Variants in KIAA0825 observed in about 807,000 individuals in gnomAD.
KIAA0825 encodes the protein uncharacterized protein KIAA0825.
KIAA0825 carries 119 observed loss-of-function variants against 147.6 expected under a neutral mutation model. The ratio of observed to expected loss-of-function variants is 0.81; its 90% CI spans 0.69 to 0.94. The LOEUF is 0.94. Ranked by LOEUF, KIAA0825 falls within the 40% of genes least tolerant of loss-of-function variation. KIAA0825 has a pLI of 0.00. For missense variants in KIAA0825, 1,381 were observed against 1,472.7 expected, an observed-to-expected ratio of 0.94 and a Z score of 1.02; for synonymous variants, 470 against 518.1, an observed-to-expected ratio of 0.91 and a Z score of 1.26.
intron 20 of KIAA0825, among the ~76,000 whole-genome samples, chr5:94,227,244 G>T (rs1774267333): frequency 6.6e-6 from 1 of 152,102 alleles, no homozygotes; most frequent in South Asian, 2.1e-4. Flanking sequence ...CATGTCCTTT[G>T]TAGGGACATG....
At chr5:94,362,798 TA>T (rs1745259939) in intron 20 of KIAA0825, among the ~76,000 whole-genome samples, 1 of 152,366 alleles carries the variant, frequency 6.6e-6, no homozygotes, top group African/African-American at 2.4e-5. Flanking sequence ...CAGATTTATC[TA>T]TTTACTCAAA....
chr5:94,356,966 AC>A (rs1784354811), intron 20 of KIAA0825, among the ~76,000 whole-genome samples: 1 of 151,942 alleles, frequency 6.6e-6, no homozygotes, highest in African/African-American at 2.4e-5. Context: ...CTCGTGATCC[AC>A]CAGCCTCGGC....
chr5:94,170,139 A>G (rs1196194553), intron 20 of KIAA0825, among the ~76,000 whole-genome samples: 2 of 152,154 alleles, frequency 1.3e-5, no homozygotes, highest in Non-Finnish European at 2.9e-5. Flanking sequence ...CTCTACTAAA[A>G]ATACAAAAAA....
chr5:94,207,188 T>A (rs1373249683), intron 20 of KIAA0825, among the ~76,000 whole-genome samples: 1 of 152,202 alleles, frequency 6.6e-6, no homozygotes, highest in African/African-American at 2.4e-5. Context: ...TACTCTGTTC[T>A]ATTACAATCA....
At chr5:94,188,159 C>T (rs1770324470) in intron 20 of KIAA0825, among the ~76,000 whole-genome samples, 1 of 152,154 alleles carries the variant, frequency 6.6e-6, no homozygotes, top group Non-Finnish European at 1.5e-5. Context: ...GATCGTGACT[C>T]CCAGCCTCCA....
intron 2 of KIAA0825, among the ~76,000 whole-genome samples, chr5:94,565,444 C>T (rs961717015): frequency 6.6e-6 from 1 of 150,886 alleles, no homozygotes; most frequent in African/African-American, 2.4e-5. Flanking sequence ...CAGGTTGAGG[C>T]AATTCTCCTG....
intron 17 of KIAA0825, among the ~76,000 whole-genome samples, chr5:94,395,555 A>G (rs944537765): frequency 2.1e-4 from 32 of 152,152 alleles, no homozygotes; most frequent in Non-Finnish European, 5.9e-5. Flanking sequence ...CAAACCCATG[A>G]GAAGGCTGAC....
At chr5:94,240,409 G>T (rs1010395037) in intron 20 of KIAA0825, among the ~76,000 whole-genome samples, 32 of 152,160 alleles carry the variant, frequency 2.1e-4, no homozygotes, top group Admixed American at 9.2e-4. Context: ...AAAACATTTT[G>T]TCGGGTGGAA....
At chr5:94,448,874 C>G (rs1293911985) in intron 13 of KIAA0825, among the ~76,000 whole-genome samples, 1 of 152,122 alleles carries the variant, frequency 6.6e-6, no homozygotes, top group African/African-American at 2.4e-5. Context: ...AAATCAATAA[C>G]TTTAGTTATT....
At chr5:94,457,285 T>G (rs186538608) in intron 12 of KIAA0825, among the ~76,000 whole-genome samples, 2 of 152,248 alleles carry the variant, frequency 1.3e-5, no homozygotes, top group South Asian at 4.1e-4. Flanking sequence ...ATGCTCTAAA[T>G]AATTCATAGT....
At chr5:94,243,202 C>A (rs1388631855) in intron 20 of KIAA0825, among the ~76,000 whole-genome samples, 1 of 152,154 alleles carries the variant, frequency 6.6e-6, no homozygotes, top group Non-Finnish European at 1.5e-5. Context: ...TCATCAAATT[C>A]TTGCTTGTTA....
chr5:94,599,036 T>C (rs1049889069), intron 1 of KIAA0825, among the ~76,000 whole-genome samples: 11 of 152,162 alleles, frequency 7.2e-5, no homozygotes, highest in African/African-American at 2.4e-4. Flanking sequence ...TCAGTTTTTC[T>C]TTTTAGAAAG....
chr5:94,540,354 C>CT (rs1773037710), intron 2 of KIAA0825, among the ~76,000 whole-genome samples: 1 of 152,192 alleles, frequency 6.6e-6, no homozygotes, highest in Non-Finnish European at 1.5e-5. Flanking sequence ...GCCCAGCAAA[C>CT]TGTCAAGTTA....
chr5:94,269,446 T>G (rs188049763), intron 20 of KIAA0825, among the ~76,000 whole-genome samples: 211 of 152,176 alleles, frequency 1.4e-3, no homozygotes, highest in African/African-American at 4.7e-3. Context: ...TGAATGTAAA[T>G]GGACTAAATT....
chr5:94,206,884 A>G (rs1772248345), intron 20 of KIAA0825, among the ~76,000 whole-genome samples: 1 of 152,192 alleles, frequency 6.6e-6, no homozygotes, highest in African/African-American at 2.4e-5. Context: ...GGGCTTATAT[A>G]CACTGGGAAT....
chr5:94,154,501 T>A (rs1766848374), intron 20 of KIAA0825, among the ~76,000 whole-genome samples: 1 of 152,210 alleles, frequency 6.6e-6, no homozygotes, highest in African/African-American at 2.4e-5. Context: ...ATTAACCAGA[T>A]TAGTGGTTGT....
intron 14 of KIAA0825, among the ~76,000 whole-genome samples, chr5:94,436,017 G>A (rs1373188163): frequency 1.3e-5 from 2 of 152,040 alleles, no homozygotes; most frequent in South Asian, 2.1e-4. Context: ...TATAGATGCT[G>A]GATATTAGTC....
rs192557426 is a variant in KIAA0825 at position 94,553,806 on chromosome 5, T to A, written c.-1-16679A>T. On this transcript the variant is annotated intron_variant, in intron 2 of 20. Transcript: ENST00000682413. ...AAAAAAACAAAAAGAAAAAAAAATT[T>A]AAAAATGAGGCAGGTAGATTAGGCT... Among the ~76,000 whole-genome samples the A allele has an allele frequency of 3.6e-3, 546 of 151,946 alleles. 3 individuals carry two copies. Among genetic ancestry groups the A allele is most frequent in the African/African-American group, 0.013 (522 of 41,462 alleles).
At chr5:94,547,873 G>GAA (rs912297651) in intron 2 of KIAA0825, among the ~76,000 whole-genome samples, 1 of 143,696 alleles carries the variant, frequency 7.0e-6, no homozygotes, top group African/African-American at 2.6e-5. Flanking sequence ...GGTACTGAAG[G>GAA]AAAAAAAAAA....
Sources: allele counts gnomAD v4.1 joint callset (sites outside exome capture counted in the v4.1 genomes callset), GRCh38; gene constraint gnomAD v4.1.1; transcripts MANE v1.5; gene names NCBI Gene and HGNC (gene_info 2026-07-23, HGNC 2026-07-21).